The following CDH4 variants were observed in gnomAD, a reference collection of about 807,000 sequenced individuals.
CDH4 encodes the protein cadherin 4.
In CDH4, 33 loss-of-function variants were observed where a neutral mutation model predicts 86.0. The observed-to-expected ratio is 0.38, with a 90% CI of 0.29 to 0.51. CDH4 has a LOEUF of 0.51. CDH4 is among the 20% of genes least tolerant of loss of function. The pLI, the probability that CDH4 is intolerant of heterozygous loss-of-function variation, is 0.86. For synonymous variants in CDH4, 555 were observed against 549.4 expected (o/e 1.01, Z -0.14); for missense variants, 1,114 against 1,307.4 (o/e 0.85, Z 2.28).
At chr20:61,497,499 A>G (rs2085671092) in intron 2 of CDH4, among the ~76,000 whole-genome samples, 1 of 152,222 alleles carries the variant, frequency 6.6e-6, no homozygotes. Context: ...AATCAAAACC[A>G]CAATGAGATA....
At chr20:61,351,394 C>T (rs2084711602) in intron 2 of CDH4, among the ~76,000 whole-genome samples, 1 of 152,162 alleles carries the variant, frequency 6.6e-6, no homozygotes. Context: ...TATTTCGTAT[C>T]AGGGACTTGG....
In CDH4 at chr20:61,669,388, C is replaced by T. The variant is rs527558432; in HGVS notation, c.170-74175C>T. On this transcript the variant is annotated intron_variant, in intron 2 of 15. Transcript: ENST00000614565. ...ATGGGAATGGGAGCCTGGAGGAGGG[C>T]CCAGGCCACAGAGGGCCTTGGAGGG... Among the ~76,000 whole-genome samples, 218 of 152,312 alleles carry T rather than the reference C, an allele frequency of 1.4e-3. 1 individual carries two copies. The highest frequency in any genetic ancestry group is 3.1e-3 in the Admixed American group (47 of 15,304).
chr20:61,604,788 C>T (rs12162459), intron 2 of CDH4, among the ~76,000 whole-genome samples: 3 of 152,172 alleles, frequency 2.0e-5, no homozygotes, highest in Non-Finnish European at 4.4e-5. Flanking sequence ...GCAGCTTGCA[C>T]TAATGGTCTA....
At chr20:61,901,152 T>G (rs1985379475) in intron 8 of CDH4, among the ~76,000 whole-genome samples, 1 of 148,192 alleles carries the variant, frequency 6.7e-6, no homozygotes, top group Non-Finnish European at 1.5e-5. Flanking sequence ...TTCAGGTTAA[T>G]TTTTAGCTAA....
At chr20:61,363,924 G>T (rs984287407) in intron 2 of CDH4, among the ~76,000 whole-genome samples, 1 of 152,158 alleles carries the variant, frequency 6.6e-6, no homozygotes, top group Non-Finnish European at 1.5e-5. Context: ...TGGTGAGAGA[G>T]GTGTATTAAA....
intron 2 of CDH4, among the ~76,000 whole-genome samples, chr20:61,737,009 C>T (rs765474439): frequency 1.3e-5 from 2 of 152,150 alleles, no homozygotes; most frequent in African/African-American, 2.4e-5. Context: ...TGCAGGGGCT[C>T]GCCCTGGGAC....
intron 2 of CDH4, among the ~76,000 whole-genome samples, chr20:61,312,546 C>A (rs986842546): frequency 5.3e-5 from 8 of 152,064 alleles, no homozygotes; most frequent in African/African-American, 1.9e-4. Flanking sequence ...ACCCCTTGCC[C>A]CTGCAGTCCC....
At chr20:61,291,315 G>A (rs910330238) in intron 2 of CDH4, among the ~76,000 whole-genome samples, 7 of 152,204 alleles carry the variant, frequency 4.6e-5, no homozygotes, top group Non-Finnish European at 8.8e-5. Context: ...GGATCACCCC[G>A]GCGGGTCCCA....
chr20:61,280,770 G>A (rs139963041), intron 2 of CDH4, among the ~76,000 whole-genome samples: 14 of 152,298 alleles, frequency 9.2e-5, no homozygotes, highest in East Asian at 5.8e-4. Flanking sequence ...GCATCCCTGC[G>A]TGTGAAGCGC....
At chr20:61,661,635 G>T (rs2087259060) in intron 2 of CDH4, among the ~76,000 whole-genome samples, 1 of 152,146 alleles carries the variant, frequency 6.6e-6, no homozygotes, top group Non-Finnish European at 1.5e-5. Flanking sequence ...TAAAAAGAGG[G>T]TCTTAGGACC....
At chr20:61,668,025 T>C (rs2087346400) in intron 2 of CDH4, among the ~76,000 whole-genome samples, 1 of 152,246 alleles carries the variant, frequency 6.6e-6, no homozygotes, top group Non-Finnish European at 1.5e-5. Context: ...CCAAGGCTTC[T>C]AAGACCAGAG....
intron 4 of CDH4, among the ~76,000 whole-genome samples, chr20:61,774,390 GATGCCA>G (rs1478241765): frequency 1.3e-5 from 2 of 152,222 alleles, no homozygotes; most frequent in East Asian, 3.9e-4. Context: ...TGCTAGAGAC[GATGCCA>G]ATGGCAGTGC....
chr20:61,503,317 C>G (rs2085718067), intron 2 of CDH4, among the ~76,000 whole-genome samples: 1 of 152,140 alleles, frequency 6.6e-6, no homozygotes, highest in African/African-American at 2.4e-5. Context: ...ATTAGATCTT[C>G]AATCAGCTGC....
At chr20:61,271,215 C>A (rs2084181295) in intron 2 of CDH4, among the ~76,000 whole-genome samples, 1 of 152,120 alleles carries the variant, frequency 6.6e-6, no homozygotes, top group African/African-American at 2.4e-5. Context: ...GCATCTCTAC[C>A]CCCATGGCCC....
chr20:61,875,388 C>G (rs1044290097), intron 7 of CDH4, among the ~76,000 whole-genome samples: 1 of 151,570 alleles, frequency 6.6e-6, no homozygotes, highest in Non-Finnish European at 1.5e-5. Flanking sequence ...AGGTGGCCGC[C>G]GGGTTCAGCA....
chr20:61,874,645 G>A (rs1361904229), intron 7 of CDH4, among the ~76,000 whole-genome samples: 5 of 152,136 alleles, frequency 3.3e-5, no homozygotes, highest in Admixed American at 6.5e-5. Flanking sequence ...TTCACCACCC[G>A]CCCCTGGGGC....
intron 2 of CDH4, among the ~76,000 whole-genome samples, chr20:61,348,581 TTTAA>T (rs2084692699): frequency 6.6e-6 from 1 of 152,218 alleles, no homozygotes; most frequent in Admixed American, 6.5e-5. Context: ...TTCTGTTCTC[TTTAA>T]TTTTCTTTCA....
intron 2 of CDH4, among the ~76,000 whole-genome samples, chr20:61,668,735 T>C (rs1160215652): frequency 6.6e-6 from 1 of 152,244 alleles, no homozygotes; most frequent in Admixed American, 6.5e-5. Context: ...TTGCACTGCA[T>C]GTCTGCACTC....
rs1017718663 is a variant in CDH4 at position 61,338,560 on chromosome 20, A to G, written c.169+83623A>G. Among the ~76,000 whole-genome samples, 7 of 152,162 alleles carry G rather than the reference A, an allele frequency of 4.6e-5. No homozygotes were observed. In the South Asian group the frequency reaches 1.5e-3, roughly 32 times the overall value. The stretch of plus-strand genomic sequence containing the variant: ...TGCCTAGATATTTGCTCCCTCCCCA[A>G]TCTGCCTGGTCCTCTGACCTGGATT... On this transcript the variant is annotated intron_variant, in intron 2 of 15. Transcript: ENST00000614565.
Sources: allele counts gnomAD v4.1 joint callset (sites outside exome capture counted in the v4.1 genomes callset), GRCh38; gene constraint gnomAD v4.1.1; transcripts MANE v1.5; gene names NCBI Gene and HGNC (gene_info 2026-07-23, HGNC 2026-07-21).